Variants in LRRC4C observed in about 807,000 individuals in gnomAD.
LRRC4C encodes leucine rich repeat containing 4C.
In LRRC4C, 5 loss-of-function variants were observed where a neutral mutation model predicts 33.6. That is an observed-to-expected ratio of 0.15 (90% CI 0.08 to 0.31). The LOEUF (loss-of-function observed/expected upper bound fraction) is 0.31, where lower values mean the gene tolerates loss of function less well. Among genes scored for constraint, LRRC4C ranks in the 10% least tolerant of loss-of-function variants. The pLI is 1.00. For missense variants in LRRC4C, 560 were observed against 796.7 expected (o/e 0.70, Z 3.58); for synonymous variants, 329 against 302.0 (o/e 1.09, Z -0.93).
chr11:41,027,340 G>A (rs1856445442), intron 1 of LRRC4C, among the ~76,000 whole-genome samples: 1 of 151,622 alleles, frequency 6.6e-6, no homozygotes, highest in African/African-American at 2.4e-5. Context: ...ACTTAGAGTT[G>A]ACAGGTACCA....
At chr11:41,100,210 A>G (rs1472984888) in intron 1 of LRRC4C, among the ~76,000 whole-genome samples, 1 of 152,204 alleles carries the variant, frequency 6.6e-6, no homozygotes, top group Non-Finnish European at 1.5e-5. Context: ...GCTCAAAGAA[A>G]TCAGAGATGA....
intron 1 of LRRC4C, among the ~76,000 whole-genome samples, chr11:41,272,372 C>T (rs548981077): frequency 3.3e-5 from 5 of 152,106 alleles, no homozygotes; most frequent in Non-Finnish European, 7.4e-5. Context: ...TGCAGATCTC[C>T]TCTGGCTGCT....
At chr11:40,863,650 G>C (rs972201863) in intron 2 of LRRC4C, among the ~76,000 whole-genome samples, 1 of 152,144 alleles carries the variant, frequency 6.6e-6, no homozygotes, top group South Asian at 2.1e-4. Flanking sequence ...CTTTTCAAGT[G>C]GTTTAAAGAT....
chr11:40,429,332 C>T (rs1332253944), intron 3 of LRRC4C, among the ~76,000 whole-genome samples: 2 of 152,148 alleles, frequency 1.3e-5, no homozygotes, highest in Non-Finnish European at 2.9e-5. Context: ...CCTCATACTC[C>T]CAAAATGCTA....
intron 2 of LRRC4C, among the ~76,000 whole-genome samples, chr11:40,696,364 ATGAG>A: frequency 6.9e-6 from 1 of 145,984 alleles, no homozygotes; most frequent in Admixed American, 7.1e-5. Context: ...TGGTATATAT[ATGAG>A]TGTATGTATA....
At chr11:41,197,401 T>TA (rs1354872261) in intron 1 of LRRC4C, among the ~76,000 whole-genome samples, 2 of 152,016 alleles carry the variant, frequency 1.3e-5, no homozygotes, top group Non-Finnish European at 1.5e-5. Context: ...GGTACCATGC[T>TA]AAAAAATAAC....
chr11:40,676,235 C>A (rs1346722208), intron 2 of LRRC4C, among the ~76,000 whole-genome samples: 1 of 152,082 alleles, frequency 6.6e-6, no homozygotes, highest in Non-Finnish European at 1.5e-5. Context: ...TCTTTTATGG[C>A]AGCTTGCAAG....
At chr11:40,326,089 T>G (rs1032215553) in intron 3 of LRRC4C, among the ~76,000 whole-genome samples, 1 of 152,082 alleles carries the variant, frequency 6.6e-6, no homozygotes, top group African/African-American at 2.4e-5. Flanking sequence ...AGGTGGAATT[T>G]TGTTGCACTT....
At position 40,899,746 on chromosome 11, in the gene LRRC4C, A is replaced by C. The variant is rs79288722; in HGVS notation, c.-407+33889T>G. Among the ~76,000 whole-genome samples the C allele has an allele frequency of 1.5e-3, 223 of 152,306 alleles. 2 individuals carry two copies. Among genetic ancestry groups the C allele is most frequent in the African/African-American group, 5.3e-3 (219 of 41,584 alleles). On this transcript the variant is annotated intron_variant, in intron 2 of 6. Transcript: ENST00000528697. ...TGTAGTCCTATTCTTAGGCACAAAC[A>C]CACTACTATAAGAAAAATGATGGAA...
chr11:41,297,762 A>G (rs189687363), intron 1 of LRRC4C, among the ~76,000 whole-genome samples: 6 of 152,328 alleles, frequency 3.9e-5, no homozygotes, highest in African/African-American at 1.2e-4. Context: ...GATCACTTTA[A>G]AATATGTTAA....
At chr11:40,129,047 A>T (rs75211036) in intron 6 of LRRC4C, among the ~76,000 whole-genome samples, 2,790 of 152,220 alleles carry the variant, frequency 0.018, 74 homozygotes, top group African/African-American at 0.063. Flanking sequence ...TTCCTTATTC[A>T]GCAGTATTCA....
At chr11:41,377,752 C>T (rs1248162211) in intron 1 of LRRC4C, among the ~76,000 whole-genome samples, 1 of 152,104 alleles carries the variant, frequency 6.6e-6, no homozygotes, top group Non-Finnish European at 1.5e-5. Flanking sequence ...GGTATTTTTG[C>T]CTTGGTGTGG....
chr11:40,362,019 T>A (rs990679225), intron 3 of LRRC4C, among the ~76,000 whole-genome samples: 5 of 152,146 alleles, frequency 3.3e-5, no homozygotes, highest in African/African-American at 1.2e-4. Flanking sequence ...GGGAAAGGAT[T>A]CCCTATTCAA....
chr11:40,478,037 A>T (rs1326304030), intron 3 of LRRC4C, among the ~76,000 whole-genome samples: 1 of 152,158 alleles, frequency 6.6e-6, no homozygotes, highest in African/African-American at 2.4e-5. Flanking sequence ...CACGTAAGAC[A>T]TGACTTGCTC....
At chr11:40,664,712 A>G (rs1207149017) in intron 2 of LRRC4C, among the ~76,000 whole-genome samples, 1 of 152,116 alleles carries the variant, frequency 6.6e-6, no homozygotes, top group African/African-American at 2.4e-5. Context: ...TTCAAGAAAC[A>G]AGGAACAAAT....
At chr11:41,178,526 G>A (rs1312463178) in intron 1 of LRRC4C, among the ~76,000 whole-genome samples, 1 of 151,962 alleles carries the variant, frequency 6.6e-6, no homozygotes. Context: ...GCAAATTTTT[G>A]TACTTTTTTT....
chr11:41,078,814 A>G (rs1939348850), intron 1 of LRRC4C, among the ~76,000 whole-genome samples: 1 of 152,308 alleles, frequency 6.6e-6, no homozygotes, highest in East Asian at 1.9e-4. Context: ...TATGCAGTCC[A>G]TAAGCAAATG....
At chr11:40,360,935 C>G (rs10837388) in intron 3 of LRRC4C, among the ~76,000 whole-genome samples, 75,423 of 151,896 alleles carry the variant, frequency 0.5, 19,148 homozygotes, top group East Asian at 0.8. Flanking sequence ...ATGCAAGTTT[C>G]GTTCAACATA....
intron 6 of LRRC4C, among the ~76,000 whole-genome samples, chr11:40,118,262 ATATTT>A (rs1200931361): frequency 6.7e-6 from 1 of 149,618 alleles, no homozygotes; most frequent in African/African-American, 2.4e-5. Flanking sequence ...TTAATATAAA[ATATTT>A]TATTATAAAA....
Sources: allele counts gnomAD v4.1 joint callset (sites outside exome capture counted in the v4.1 genomes callset), GRCh38; gene constraint gnomAD v4.1.1; transcripts MANE v1.5; gene names NCBI Gene and HGNC (gene_info 2026-07-23, HGNC 2026-07-21).